Variants in SAMD12 observed in about 807,000 individuals in gnomAD.
The protein encoded by SAMD12 is sterile alpha motif domain containing 12.
A neutral mutation model predicts 15.0 loss-of-function variants in SAMD12; 9 were observed. The observed-to-expected ratio is 0.60, with a 90% confidence interval of 0.36 to 1.05. The LOEUF (loss-of-function observed/expected upper bound fraction) is 1.05. Among genes scored for constraint, SAMD12 ranks in the 50% least tolerant of loss-of-function variants. SAMD12 has a pLI of 0.01. For missense variants in SAMD12, 230 were observed against 234.2 expected (o/e 0.98, Z 0.12); for synonymous variants, 86 against 90.1 (o/e 0.96, Z 0.25).
rs1823765751 is a variant in SAMD12 at position 118,470,553 on chromosome 8, G to A, written c.193-30592C>T. Among the ~76,000 whole-genome samples, 3 of 152,260 alleles carry A rather than the reference G, an allele frequency of 2.0e-5. No homozygotes were observed. The South Asian group carries it at 6.2e-4, about 32-fold the overall frequency. On this transcript the variant is annotated intron_variant, in intron 2 of 3. Transcript: ENST00000314727. ...GCTTGTCACTTATTCTTTAGCCAGA[G>A]AATAGAAATAATGTCTATCTTCCAA...
At chr8:118,231,369 C>G (rs893883497) in intron 4 of SAMD12, among the ~76,000 whole-genome samples, 1 of 152,130 alleles carries the variant, frequency 6.6e-6, no homozygotes, top group African/African-American at 2.4e-5. Context: ...TGGTTATGTT[C>G]AGGTCACTTC....
At chr8:118,494,568 T>C (rs888336514) in intron 2 of SAMD12, among the ~76,000 whole-genome samples, 4 of 152,196 alleles carry the variant, frequency 2.6e-5, no homozygotes, top group African/African-American at 4.8e-5. Context: ...AATTAATCAA[T>C]GAAGGACATC....
chr8:118,542,100 G>A (rs1230756219), intron 2 of SAMD12, among the ~76,000 whole-genome samples: 1 of 152,190 alleles, frequency 6.6e-6, no homozygotes, highest in East Asian at 1.9e-4. Context: ...GAAAAGGGCA[G>A]TCTATTTTAC....
chr8:118,191,399 G>C (rs1819367763), exon 5 of SAMD12: 1 of 151,738 alleles, frequency 6.6e-6, no homozygotes, highest in Non-Finnish European at 1.5e-5. Flanking sequence ...CCCCAGTGAG[G>C]GCCAACACCC....
intron 4 of SAMD12, among the ~76,000 whole-genome samples, chr8:118,283,916 C>T (rs1813789205): frequency 6.6e-6 from 1 of 152,154 alleles, no homozygotes; most frequent in East Asian, 1.9e-4. Flanking sequence ...TTCAAAAATA[C>T]TAAGCGTGGA....
the SAMD12 span, among the ~76,000 whole-genome samples, chr8:118,151,246 A>G: frequency 6.6e-6 from 1 of 152,150 alleles, no homozygotes; most frequent in African/African-American, 2.4e-5. Flanking sequence ...GTTAAAATGT[A>G]CCATTGGTAT....
chr8:118,563,817 C>A (rs1206867074), intron 2 of SAMD12, among the ~76,000 whole-genome samples: 1 of 152,088 alleles, frequency 6.6e-6, no homozygotes, highest in Non-Finnish European at 1.5e-5. Context: ...ATTTCTTTTC[C>A]CTCTATTATC....
chr8:118,234,615 G>T (rs1442786759), intron 4 of SAMD12, among the ~76,000 whole-genome samples: 1 of 148,602 alleles, frequency 6.7e-6, no homozygotes, highest in African/African-American at 2.5e-5. Context: ...GGAGGCTGAG[G>T]TAGGAGAATC....
chr8:118,616,037 G>T (rs1586859786), intron 1 of SAMD12, among the ~76,000 whole-genome samples: 1 of 152,192 alleles, frequency 6.6e-6, no homozygotes, highest in African/African-American at 2.4e-5. Context: ...GTGATCAATA[G>T]AAACTCTGGT....
At chr8:118,198,271 GAA>G (rs1453077851) in intron 4 of SAMD12, among the ~76,000 whole-genome samples, 1 of 152,198 alleles carries the variant, frequency 6.6e-6, no homozygotes, top group African/African-American at 2.4e-5. Flanking sequence ...ACTAGATAGA[GAA>G]AGTCATTAAA....
the SAMD12 span, among the ~76,000 whole-genome samples, chr8:118,133,201 T>C: frequency 3.3e-5 from 5 of 151,686 alleles, no homozygotes; most frequent in South Asian, 1.0e-3. Flanking sequence ...AATATGACCA[T>C]GTAAGTCAAG....
At chr8:118,144,582 T>C in the SAMD12 span, among the ~76,000 whole-genome samples, 2 of 151,888 alleles carry the variant, frequency 1.3e-5, no homozygotes, top group Non-Finnish European at 2.9e-5. Context: ...ATTAATAACA[T>C]TTTTATTAAT....
intron 1 of SAMD12, among the ~76,000 whole-genome samples, chr8:118,612,695 T>C (rs1271022021): frequency 6.6e-6 from 1 of 152,218 alleles, no homozygotes; most frequent in African/African-American, 2.4e-5. Flanking sequence ...ACTATATGAC[T>C]TGTAAATCCA....
At chr8:118,595,079 C>G (rs1468481893) in intron 1 of SAMD12, among the ~76,000 whole-genome samples, 1 of 152,150 alleles carries the variant, frequency 6.6e-6, no homozygotes, top group Non-Finnish European at 1.5e-5. Flanking sequence ...ACTGCTGGTT[C>G]AAATCAACAC....
At chr8:118,262,656 A>G (rs1813106430) in intron 4 of SAMD12, among the ~76,000 whole-genome samples, 1 of 152,134 alleles carries the variant, frequency 6.6e-6, no homozygotes, top group African/African-American at 2.4e-5. Flanking sequence ...GAAAATAATC[A>G]CAACTGAACA....
chr8:118,136,873 T>G, the SAMD12 span, among the ~76,000 whole-genome samples: 1 of 152,322 alleles, frequency 6.6e-6, no homozygotes, highest in East Asian at 1.9e-4. Context: ...TGTGAGTAGA[T>G]TCCTAGACAG....
At chr8:118,163,748 G>T in the SAMD12 span, among the ~76,000 whole-genome samples, 1 of 152,138 alleles carries the variant, frequency 6.6e-6, no homozygotes, top group African/African-American at 2.4e-5. Flanking sequence ...GGTGGCGGGC[G>T]CCTGTAGTCC....
chr8:118,251,638 A>G (rs1016271151), intron 4 of SAMD12, among the ~76,000 whole-genome samples: 2 of 152,100 alleles, frequency 1.3e-5, no homozygotes, highest in Admixed American at 1.3e-4. Context: ...AAGCACCTTC[A>G]ATGGGGAAAT....
chr8:118,591,232 T>A (rs201887532), intron 1 of SAMD12, among the ~76,000 whole-genome samples: 1 of 35,404 alleles, frequency 2.8e-5, no homozygotes, highest in South Asian at 6.0e-4. Context: ...ATTTTATTTT[T>A]CAAAGCGTTT....
Sources: allele counts gnomAD v4.1 joint callset (sites outside exome capture counted in the v4.1 genomes callset), GRCh38; gene constraint gnomAD v4.1.1; transcripts MANE v1.5; gene names NCBI Gene and HGNC (gene_info 2026-07-23, HGNC 2026-07-21).